The following CLTCL1 variants were observed in gnomAD, a reference collection of about 807,000 sequenced individuals.
The protein encoded by CLTCL1 is clathrin heavy chain like 1.
A neutral mutation model predicts 190.0 loss-of-function variants in CLTCL1; 159 were observed. The ratio of observed to expected loss-of-function variants is 0.84; its 90% CI spans 0.74 to 0.95. The LOEUF (loss-of-function observed/expected upper bound fraction) is 0.95, where lower values mean the gene tolerates loss of function less well. CLTCL1 is among the 40% of genes least tolerant of loss of function. The pLI, the probability that CLTCL1 is intolerant of heterozygous loss-of-function variation, is 0.00. For synonymous variants in CLTCL1, 752 were observed against 769.6 expected (o/e 0.98, Z 0.38); for missense variants, 1,878 against 2,033.4 (o/e 0.92, Z 1.47).
intron 29 of CLTCL1, 67 bp from the exon 30 acceptor site, chr22:19,183,678 G>A (rs1441733733): frequency 1.3e-6 from 2 of 1,522,434 alleles, no homozygotes; most frequent in Non-Finnish European, 1.8e-6. Context: ...CAGCAGCTGG[G>A]CCGGAGGGCA....
chr22:19,235,799 GA>G lies in CLTCL1; in HGVS notation c.865del (p.Ser289LeufsTer7). ...ACGGTTCATGCAGATGCACACGCCA[GA>G]CTCTAGGTCGTACAGATGAAGATAG... ...YGYLHLYDLE[S>X]GVCICMNRIS... On this transcript the variant is annotated frameshift_variant, in exon 6 of 33. Coordinates refer to ENST00000427926, the MANE Select transcript of CLTCL1 (RefSeq NM_007098.4). LOFTEE classifies it high-confidence loss of function. 1.2e-6 allele frequency: 2 copies of G among 1,613,954 alleles called. No homozygotes were observed. The highest frequency in any genetic ancestry group is 1.7e-6 in the Non-Finnish European group (2 of 1,179,840).
At chr22:19,209,517 A>G (rs1224446838) in intron 20 of CLTCL1, among the ~76,000 whole-genome samples, 2 of 152,222 alleles carry the variant, frequency 1.3e-5, no homozygotes, top group Admixed American at 1.3e-4. Flanking sequence ...CTTGCTGAGC[A>G]GTCTGGCAGA....
intron 31 of CLTCL1, 25 bp downstream of exon 31, chr22:19,180,706 G>T: frequency 1.2e-6 from 2 of 1,612,152 alleles, no homozygotes; most frequent in Non-Finnish European, 1.7e-6. Flanking sequence ...TCCCCAGGGG[G>T]TTGGGGGCTA....
intron 27 of CLTCL1, among the ~76,000 whole-genome samples, chr22:19,190,160 C>T (rs2084444419): frequency 1.3e-5 from 2 of 152,146 alleles, no homozygotes; most frequent in African/African-American, 2.4e-5. Flanking sequence ...AGGCTAGTCT[C>T]GAACTCCTGA....
At chr22:19,219,141 C>T (rs185194734) in intron 18 of CLTCL1, among the ~76,000 whole-genome samples, 102 of 151,948 alleles carry the variant, frequency 6.7e-4, no homozygotes, top group Non-Finnish European at 1.0e-3. Flanking sequence ...GGAGAAGGTT[C>T]GTAAGGACTA....
At chr22:19,185,913 C>G (rs1318056705) in intron 29 of CLTCL1, among the ~76,000 whole-genome samples, 1 of 152,224 alleles carries the variant, frequency 6.6e-6, no homozygotes, top group Non-Finnish European at 1.5e-5. Context: ...CCTCCAGGTG[C>G]GGTCTCAGAG....
intron 19 of CLTCL1, among the ~76,000 whole-genome samples, chr22:19,211,430 C>A (rs1013206409): frequency 6.6e-6 from 1 of 152,088 alleles, no homozygotes; most frequent in Non-Finnish European, 1.5e-5. Flanking sequence ...CAAAAAGTTT[C>A]TTTTCTATAA....
intron 5 of CLTCL1, among the ~76,000 whole-genome samples, chr22:19,237,316 T>TA (rs1157435329): frequency 1.2e-4 from 18 of 151,930 alleles, no homozygotes; most frequent in Non-Finnish European, 2.5e-4. Flanking sequence ...CTCTACTTTT[T>TA]AAAAAAAGAT....
chr22:19,226,297 C>T lies in CLTCL1; in HGVS notation c.1869G>A (p.Leu623=). The change falls in exon 12 of 33, where the codon CTG becomes CTA. Residue 623 remains leucine (L), a synonymous_variant. Transcript: ENST00000427926. ...IAQLCEKAGL[L]QQALEHYTDL... Reference sequence around the variant, plus strand: ...CGGTGTAGTGCTCCAGTGCTTGCTGCAGGAGGCCTGCCTTCTCACAGAGCT... The same window carrying T: ...CGGTGTAGTGCTCCAGTGCTTGCTGTAGGAGGCCTGCCTTCTCACAGAGCT... 2.5e-6 allele frequency: 4 copies of T among 1,614,034 alleles called. No homozygotes were observed. The highest frequency in any genetic ancestry group is 3.4e-6 in the Non-Finnish European group (4 of 1,179,888).
At chr22:19,183,747 T>G (rs1298623012) in intron 29 of CLTCL1, 136 bp from the exon 30 acceptor site, 3 of 821,336 alleles carry the variant, frequency 3.7e-6, no homozygotes, top group Admixed American at 2.2e-5. Context: ...CCTGGACCCA[T>G]GGCTGGGCCA....
chr22:19,180,982 C>A (rs956971721), intron 30 of CLTCL1, 176 bp from the exon 31 acceptor site: 1 of 619,596 alleles, frequency 1.6e-6, no homozygotes, highest in Non-Finnish European at 2.9e-6. Context: ...TAGAATGCAG[C>A]AAGGCATGGA....
intron 3 of CLTCL1, among the ~76,000 whole-genome samples, chr22:19,250,311 T>C (rs1341442629): frequency 1.3e-5 from 2 of 151,354 alleles, no homozygotes; most frequent in East Asian, 3.9e-4. Context: ...GCACATCACT[T>C]TTCTGGGACT....
chr22:19,208,109 C>T (rs781849502), intron 22 of CLTCL1, 45 bp downstream of exon 22: 2 of 1,612,216 alleles, frequency 1.2e-6, no homozygotes, highest in Non-Finnish European at 1.7e-6. Context: ...ATCCCTGGAC[C>T]TAAATCTGAC....
chr22:19,223,514 T>C (rs1555953830), intron 14 of CLTCL1, among the ~76,000 whole-genome samples: 1 of 152,156 alleles, frequency 6.6e-6, no homozygotes, highest in African/African-American at 2.4e-5. Flanking sequence ...GTCACCCCAC[T>C]GACCTCCAGC....
At chr22:19,264,243 C>A in intron 2 of CLTCL1, among the ~76,000 whole-genome samples, 2 of 146,060 alleles carry the variant, frequency 1.4e-5, no homozygotes, top group Non-Finnish European at 3.0e-5. Flanking sequence ...AAGTTACAGT[C>A]TCTTAAAAAA....
Position 19,234,543 on chromosome 22 carries a change from G to A in CLTCL1, c.1133C>T (p.Ala378Val). Residue 378 changes from alanine to valine, a missense_variant, in exon 7 of 33, where the codon GCT (alanine) becomes GTT (valine). Ala to Val is a moderately conservative substitution (Grantham distance 64). Transcript: ENST00000427926. ...AGACGCTGCAACTTTGGCGGCTTCA[G>A]CATAGCTGCCCTGTGCAAAGAGGGT... is the stretch of plus-strand genomic sequence containing the variant. ...FNTLFAQGSYAEAAKVAASAP... is the reference protein window; with the variant it reads ...FNTLFAQGSYVEAAKVAASAP... 1 of 1,613,860 alleles carries A rather than the reference G, an allele frequency of 6.2e-7. No individual in the cohort carries two copies. Among genetic ancestry groups the A allele is most frequent in the Non-Finnish European group, 8.5e-7 (1 of 1,179,816 alleles).
intron 7 of CLTCL1, among the ~76,000 whole-genome samples, 172 bp downstream of exon 7, chr22:19,234,337 T>C (rs1174610366): frequency 1.3e-5 from 2 of 152,198 alleles, no homozygotes; most frequent in Admixed American, 1.3e-4. Flanking sequence ...AGTGTGTTTT[T>C]TGTTTACTTC....
chr22:19,262,373 C>T (rs1205381532), intron 2 of CLTCL1, among the ~76,000 whole-genome samples: 1 of 151,396 alleles, frequency 6.6e-6, no homozygotes, highest in African/African-American at 2.4e-5. Flanking sequence ...TGGCTCATGC[C>T]TGTAGTCCCA....
chr22:19,180,382 TGCTCGACAGCCAG>T, intron 31 of CLTCL1, 144 bp from the exon 32 acceptor site: 1 of 902,518 alleles, frequency 1.1e-6, no homozygotes, highest in East Asian at 2.6e-5. Flanking sequence ...CTCTCCAGTC[TGCTCGACAGCCAG>T]GCTGCCCTGG....
Sources: gnomAD v4.1 joint callset for allele counts (sites outside exome capture counted in the v4.1 genomes callset) on GRCh38, gnomAD v4.1.1 for gene constraint, MANE v1.5 for transcripts, NCBI Gene and HGNC (gene_info 2026-07-23, HGNC 2026-07-21) for gene names.